TRAF3: variants seen among roughly 807,000 people sequenced by gnomAD.
The protein encoded by TRAF3 is TNF receptor-associated factor 3.
TRAF3 carries 13 observed loss-of-function variants against 62.3 expected under a neutral mutation model. That is an observed-to-expected ratio of 0.21 (90% CI 0.14 to 0.33). TRAF3 has a LOEUF of 0.33. TRAF3 is among the 10% of genes least tolerant of loss of function. The pLI is 1.00. For synonymous variants in TRAF3, 269 were observed against 283.4 expected (o/e 0.95, Z 0.51); for missense variants, 440 against 741.8 (o/e 0.59, Z 4.73).
At chr14:102,783,999 T>C (rs925647393) in intron 1 of TRAF3, among the ~76,000 whole-genome samples, 7 of 152,196 alleles carry the variant, frequency 4.6e-5, no homozygotes, top group African/African-American at 1.7e-4. Flanking sequence ...AATGTTAAGA[T>C]CTTACAATGT....
intron 2 of TRAF3, among the ~76,000 whole-genome samples, chr14:102,832,530 C>T (rs774989633): frequency 1.1e-4 from 17 of 152,058 alleles, no homozygotes; most frequent in Admixed American, 3.3e-4. Context: ...AAATATGAGC[C>T]GGGCATGGTG....
At chr14:102,792,556 A>T (rs1206289038) in intron 1 of TRAF3, among the ~76,000 whole-genome samples, 1 of 150,688 alleles carries the variant, frequency 6.6e-6, no homozygotes, top group Non-Finnish European at 1.5e-5. Context: ...ACAGGTGTGA[A>T]CCACTGTGCC....
chr14:102,788,903 C>T (rs963430938), intron 1 of TRAF3, among the ~76,000 whole-genome samples: 4 of 152,074 alleles, frequency 2.6e-5, no homozygotes, highest in South Asian at 2.1e-4. Context: ...CCCAGGAATT[C>T]GAGGCTGCAG....
chr14:102,887,688 G>A (rs1399969963), intron 7 of TRAF3, among the ~76,000 whole-genome samples: 1 of 151,668 alleles, frequency 6.6e-6, no homozygotes, highest in Non-Finnish European at 1.5e-5. Flanking sequence ...TCTGCCTCCT[G>A]GGTTCACACC....
intron 2 of TRAF3, among the ~76,000 whole-genome samples, chr14:102,838,306 CA>C (rs1886152183): frequency 1.3e-5 from 2 of 152,176 alleles, no homozygotes; most frequent in South Asian, 4.1e-4. Context: ...AGAAAGCTCA[CA>C]GTCAGATGGG....
intron 2 of TRAF3, among the ~76,000 whole-genome samples, chr14:102,845,618 C>T (rs1886658894): frequency 6.7e-6 from 1 of 149,996 alleles, no homozygotes; most frequent in Non-Finnish European, 1.5e-5. Context: ...CAGGTTCATG[C>T]CATTCTCCTG....
chr14:102,875,912 A>G (rs1482888307), intron 5 of TRAF3, among the ~76,000 whole-genome samples, 184 bp downstream of exon 5: 1 of 152,164 alleles, frequency 6.6e-6, no homozygotes, highest in Non-Finnish European at 1.5e-5. Context: ...TTATGACATC[A>G]TTGGCAGAAT....
intron 1 of TRAF3, among the ~76,000 whole-genome samples, chr14:102,811,755 GTGTGTGTT>G (rs1418530659): frequency 9.0e-6 from 1 of 110,586 alleles, no homozygotes; most frequent in Non-Finnish European, 2.2e-5. Context: ...GTGTGTGTGT[GTGTGTGTT>G]TGTACAGACT....
intron 1 of TRAF3, among the ~76,000 whole-genome samples, chr14:102,812,156 C>T (rs1899220932): frequency 6.6e-6 from 1 of 151,736 alleles, no homozygotes; most frequent in Non-Finnish European, 1.5e-5. Flanking sequence ...TTTTTCCCAT[C>T]CTCCTACCCT....
intron 2 of TRAF3, among the ~76,000 whole-genome samples, chr14:102,839,407 A>G (rs1886239805): frequency 6.6e-6 from 1 of 151,468 alleles, no homozygotes; most frequent in South Asian, 2.1e-4. Context: ...TTTAGTAGAG[A>G]CGGGGTTTCA....
rs770711013 is a variant in TRAF3, at chr14:102,886,170, G to C, written c.571-19G>C. 6.2e-7 allele frequency: 1 copy of C among 1,612,174 alleles called. No homozygotes were observed. The highest frequency in any genetic ancestry group is 1.7e-4 in the Middle Eastern group (1 of 6,048). ...ACAGGTTGTGTGTTTAAAGTTGATAGTACTTTCTCTCTCTGTAGAAACACG... is the reference window on the plus strand; with the variant it reads ...ACAGGTTGTGTGTTTAAAGTTGATACTACTTTCTCTCTCTGTAGAAACACG... On this transcript the variant is annotated intron_variant, in intron 6 of 11. Coordinates refer to ENST00000392745, the MANE Select transcript of TRAF3 (RefSeq NM_145725.3).
rs1348219298 is a variant in TRAF3, at chr14:102,796,473, C to CTT, written c.-157+18799_-157+18800dup. ...CAAAGAGGGCTTGTGGGAACCCCAACTTGAAGCTGGTGGGTCAGAAGTTCT... is the reference window on the plus strand; with the variant it reads ...CAAAGAGGGCTTGTGGGAACCCCAACTTTTGAAGCTGGTGGGTCAGAAGTTCT... On this transcript the variant is annotated intron_variant, in intron 1 of 11. Transcript: ENST00000392745. Among the ~76,000 whole-genome samples, 6 of 152,352 alleles carry CTT rather than the reference C, an allele frequency of 3.9e-5. No homozygotes were observed. The East Asian group carries it at 9.6e-4, about 24-fold the overall frequency.
chr14:102,793,851 A>G (rs1897930642), intron 1 of TRAF3, among the ~76,000 whole-genome samples: 1 of 152,238 alleles, frequency 6.6e-6, no homozygotes, highest in African/African-American at 2.4e-5. Flanking sequence ...TTAAAACAGT[A>G]ATCTACTACT....
Position 102,901,435 on chromosome 14 carries a change from G to GC in TRAF3, c.961-1818dup, listed in dbSNP as rs575241252. ...TCCCCTGCCACTCGCGAGCACCCCT[G>GC]CCAGCTCAGTGTGCGTGTTAGAAGG... is the stretch of plus-strand genomic sequence containing the variant. On this transcript the variant is annotated intron_variant, in intron 10 of 11. Coordinates refer to ENST00000392745, the MANE Select transcript of TRAF3 (RefSeq NM_145725.3). Among the ~76,000 whole-genome samples the GC allele has an allele frequency of 3.3e-5, 5 of 152,320 alleles. No homozygotes were observed. In the South Asian group the frequency reaches 6.2e-4, roughly 19 times the overall value.
intron 1 of TRAF3, among the ~76,000 whole-genome samples, chr14:102,778,254 C>T (rs1461762438): frequency 6.6e-6 from 1 of 151,642 alleles, no homozygotes; most frequent in African/African-American, 2.4e-5. Flanking sequence ...CCGGCGACTC[C>T]CGGGGCACCG....
rs1258357200 is a variant in TRAF3, at chr14:102,911,057, TA to T, written c.*5274del. On this transcript the variant is annotated 3_prime_UTR_variant, in exon 12 of 12. Transcript: ENST00000392745. ...TGCCGGTGCCTCTGTTCGGTTCTGT[TA>T]CCCAAAAACAAAGACCAAAGAAGGC... 6.6e-6 allele frequency: 1 copy of T among 152,236 alleles called. No individual in the cohort carries two copies. Among genetic ancestry groups the T allele is most frequent in the Admixed American group, 6.5e-5 (1 of 15,290 alleles). The allele number at this position is 152,236 out of a possible 1,614,324, so 9.4% of individuals were successfully genotyped here.
intron 1 of TRAF3, among the ~76,000 whole-genome samples, chr14:102,791,038 G>T (rs1361540919): frequency 6.7e-5 from 9 of 133,646 alleles, no homozygotes; most frequent in Middle Eastern, 3.8e-3. Flanking sequence ...TTTTTTTTTC[G>T]AGAGGGAGTC....
chr14:102,836,240 C>T (rs1885997257), intron 2 of TRAF3, among the ~76,000 whole-genome samples: 1 of 152,246 alleles, frequency 6.6e-6, no homozygotes, highest in African/African-American at 2.4e-5. Flanking sequence ...GGATGCCCCT[C>T]ACTCGCTGAG....
chr14:102,872,846 C>T (rs990280842), intron 4 of TRAF3, among the ~76,000 whole-genome samples: 3 of 152,028 alleles, frequency 2.0e-5, no homozygotes, highest in South Asian at 2.1e-4. Flanking sequence ...CACGAGCCAC[C>T]ACGCCCAGCT....
Sources: allele counts gnomAD v4.1 joint callset (sites outside exome capture counted in the v4.1 genomes callset), GRCh38; gene constraint gnomAD v4.1.1; transcripts MANE v1.5; gene names NCBI Gene and HGNC (gene_info 2026-07-23, HGNC 2026-07-21).